IPO11: variants seen among roughly 807,000 people sequenced by gnomAD.
IPO11 encodes importin-11.
Under a neutral mutation model 143.2 loss-of-function variants are expected in IPO11, and 66 were observed. That is an observed-to-expected ratio of 0.46 (90% CI 0.38 to 0.57). The LOEUF is 0.57. Among genes scored for constraint, IPO11 ranks in the 20% least tolerant of loss-of-function variants. IPO11 has a pLI of 0.00. For missense variants in IPO11, 1,026 were observed against 1,141.0 expected (o/e 0.90, Z 1.45); for synonymous variants, 385 against 377.8 (o/e 1.02, Z -0.22).
intron 27 of IPO11, among the ~76,000 whole-genome samples, chr5:62,571,098 A>G (rs989615135): frequency 1.3e-5 from 2 of 152,282 alleles, no homozygotes; most frequent in African/African-American, 4.8e-5. Context: ...TTACCCATGT[A>G]GATGATGCAT....
intron 3 of IPO11, among the ~76,000 whole-genome samples, chr5:62,449,529 G>A (rs1461781996): frequency 6.8e-6 from 1 of 147,904 alleles, no homozygotes; most frequent in African/African-American, 2.5e-5. Flanking sequence ...TTTTTTTTTC[G>A]TAGGCAACTA....
Position 62,442,966 on chromosome 5 carries a change from A to G in IPO11, c.139-17A>G. The G allele has an allele frequency of 1.4e-6, 2 of 1,397,172 alleles. No homozygotes were observed. Among genetic ancestry groups the G allele is most frequent in the Non-Finnish European group, 1.0e-6 (1 of 995,922 alleles). 86.5% of individuals were successfully genotyped at this position (1,397,172 alleles called of 1,614,324 possible). On this transcript the variant is annotated splice_polypyrimidine_tract_variant and intron_variant, in intron 2 of 29. Coordinates refer to ENST00000325324, the MANE Select transcript of IPO11 (RefSeq NM_016338.5). Reference sequence around the variant, plus strand: ...CTTATTCCATGCTAATTCTAATATTATGTTTTTTATTTATAGAATATTTTC... The same window carrying G: ...CTTATTCCATGCTAATTCTAATATTGTGTTTTTTATTTATAGAATATTTTC...
chr5:62,605,399 T>G (rs1430649702), intron 29 of IPO11, among the ~76,000 whole-genome samples: 1 of 152,228 alleles, frequency 6.6e-6, no homozygotes, highest in East Asian at 1.9e-4. Flanking sequence ...GCTATTAAGC[T>G]GTCCAGCCTT....
At chr5:62,464,639 G>T (rs1391595189) in intron 5 of IPO11, among the ~76,000 whole-genome samples, 1 of 151,766 alleles carries the variant, frequency 6.6e-6, no homozygotes, top group Non-Finnish European at 1.5e-5. Context: ...ACCATGCCTG[G>T]TTAATTTTTT....
At chr5:62,520,982 T>C (rs567255258) in intron 20 of IPO11, among the ~76,000 whole-genome samples, 1 of 152,366 alleles carries the variant, frequency 6.6e-6, no homozygotes, top group African/African-American at 2.4e-5. Context: ...AGTGTGAAAG[T>C]GTTCCTATTT....
At chr5:62,541,585 G>A (rs1038951897) in intron 24 of IPO11, among the ~76,000 whole-genome samples, 24 of 151,878 alleles carry the variant, frequency 1.6e-4, no homozygotes, top group Non-Finnish European at 3.4e-4. Context: ...GGAGTCTGAG[G>A]TGGGAGGATC....
chr5:62,449,755 A>C (rs1340341954), intron 3 of IPO11, 172 bp from the exon 4 acceptor site: 4 of 437,128 alleles, frequency 9.2e-6, no homozygotes, highest in Non-Finnish European at 1.6e-5. Flanking sequence ...TTTATTGTTA[A>C]AGTTCACAGT....
chr5:62,562,381 A>G (rs1020547309), intron 27 of IPO11, among the ~76,000 whole-genome samples: 1 of 151,994 alleles, frequency 6.6e-6, no homozygotes, highest in Non-Finnish European at 1.5e-5. Flanking sequence ...GTGGAAGAAA[A>G]TTTTTCCATG....
intron 24 of IPO11, among the ~76,000 whole-genome samples, chr5:62,541,711 T>A (rs184217200): frequency 4.5e-4 from 68 of 152,246 alleles, no homozygotes; most frequent in Admixed American, 3.0e-3. Flanking sequence ...TAATTGTATT[T>A]TATTTTATTT....
At chr5:62,487,040 T>A (rs987766305) in intron 12 of IPO11, among the ~76,000 whole-genome samples, 40 of 152,262 alleles carry the variant, frequency 2.6e-4, no homozygotes, top group African/African-American at 8.7e-4. Context: ...AAAATTATTT[T>A]AAAAAATTTT....
intron 1 of IPO11, among the ~76,000 whole-genome samples, chr5:62,422,076 A>G (rs2112098152): frequency 6.6e-6 from 1 of 152,272 alleles, no homozygotes. Flanking sequence ...CCTTAATCAA[A>G]ATCAGTTTTA....
At position 62,513,416 on chromosome 5, in the gene IPO11, C is replaced by CG. The variant is rs1156763483; in HGVS notation, c.1783-1972_1783-1971insG. 1.5e-4 allele frequency among the ~76,000 whole-genome samples: 6 copies of CG among 40,496 alleles called. 1 individual carries two copies. The highest frequency in any genetic ancestry group is 7.4e-4 in the African/African-American group (6 of 8,154). The allele number at this position is 40,496 out of a possible 152,430, so 26.6% of individuals were successfully genotyped here. On this transcript the variant is annotated intron_variant, in intron 19 of 29. Coordinates refer to ENST00000325324, the MANE Select transcript of IPO11 (RefSeq NM_016338.5). ...CGGCTGGCCGGGAGGGGGCGCTGAC[C>CG]CCCCCCCCACCTCCCTCCCGGACGG...
At chr5:62,610,893 A>G (rs1345854013) in intron 29 of IPO11, among the ~76,000 whole-genome samples, 1 of 152,190 alleles carries the variant, frequency 6.6e-6, no homozygotes, top group Non-Finnish European at 1.5e-5. Flanking sequence ...GTACATACAT[A>G]GTATTTTTAA....
At chr5:62,576,421 A>C (rs755702935) in intron 27 of IPO11, 4 of 152,266 alleles carry the variant, frequency 2.6e-5, no homozygotes, top group Non-Finnish European at 5.9e-5. Context: ...CCATAAAATC[A>C]GTAACTGCTG....
intron 12 of IPO11, 131 bp downstream of exon 12, chr5:62,485,593 C>T (rs373816858): frequency 2.0e-5 from 14 of 714,142 alleles, no homozygotes; most frequent in Non-Finnish European, 3.2e-5. Context: ...AATCCTAGCA[C>T]TTTGGGAAGC....
intron 27 of IPO11, among the ~76,000 whole-genome samples, chr5:62,583,260 A>G (rs896498325): frequency 3.3e-4 from 50 of 152,164 alleles, no homozygotes; most frequent in Admixed American, 3.1e-3. Context: ...AAATTTAAAC[A>G]GTGCAGAAAT....
intron 29 of IPO11, among the ~76,000 whole-genome samples, chr5:62,614,386 A>C (rs565006789): frequency 6.6e-6 from 1 of 152,188 alleles, no homozygotes; most frequent in Non-Finnish European, 1.5e-5. Context: ...ACTGGGTACT[A>C]TTTTGCCCTG....
intron 11 of IPO11, among the ~76,000 whole-genome samples, chr5:62,484,734 C>T (rs1308741292): frequency 6.6e-6 from 1 of 151,912 alleles, no homozygotes; most frequent in Non-Finnish European, 1.5e-5. Context: ...ATTTTAGCCT[C>T]CCTTTTCTCT....
chr5:62,570,023 T>A (rs1744082066), intron 27 of IPO11, among the ~76,000 whole-genome samples: 1 of 152,160 alleles, frequency 6.6e-6, no homozygotes, highest in Non-Finnish European at 1.5e-5. Context: ...TGGGGACTGG[T>A]TTTCCAGCAT....
Sources: gnomAD v4.1 joint callset for allele counts (sites outside exome capture counted in the v4.1 genomes callset) on GRCh38, gnomAD v4.1.1 for gene constraint, MANE v1.5 for transcripts, NCBI Gene and HGNC (gene_info 2026-07-23, HGNC 2026-07-21) for gene names.